The following DLGAP2 variants were observed in gnomAD, a reference collection of about 807,000 sequenced individuals.
The protein encoded by DLGAP2 is DLG associated protein 2.
A neutral mutation model predicts 100.3 loss-of-function variants in DLGAP2; 26 were observed. The ratio of observed to expected loss-of-function variants is 0.26; its 90% confidence interval spans 0.19 to 0.36. DLGAP2 has a LOEUF of 0.36. DLGAP2 is among the 10% of genes least tolerant of loss of function. The pLI is 1.00. For synonymous variants in DLGAP2, 886 were observed against 630.1 expected (o/e 1.41, Z -6.08); for missense variants, 1,858 against 1,453.2 (o/e 1.28, Z -4.53).
At chr8:803,347 G>C (rs556809879) in intron 1 of DLGAP2, among the ~76,000 whole-genome samples, 509 of 152,172 alleles carry the variant, frequency 3.3e-3, no homozygotes, top group Non-Finnish European at 5.1e-3. Context: ...TTTGCTTGTG[G>C]TTTATTCCTT....
chr8:1,056,015 C>G (rs1268728249), intron 2 of DLGAP2, among the ~76,000 whole-genome samples: 1 of 152,190 alleles, frequency 6.6e-6, no homozygotes, highest in Non-Finnish European at 1.5e-5. Flanking sequence ...CTTATGGAGG[C>G]AGCTCAGGGA....
intron 2 of DLGAP2, among the ~76,000 whole-genome samples, chr8:1,258,131 C>T (rs1412266454): frequency 2.0e-5 from 3 of 152,160 alleles, no homozygotes; most frequent in Non-Finnish European, 4.4e-5. Flanking sequence ...ACTCAATACC[C>T]ATGGATTTTA....
chr8:1,563,787 C>G (rs1802278425), intron 5 of DLGAP2, among the ~76,000 whole-genome samples: 1 of 152,088 alleles, frequency 6.6e-6, no homozygotes, highest in Admixed American at 6.5e-5. Context: ...GGCCTTCAGC[C>G]AGAAGACCTG....
At chr8:1,433,487 G>T (rs1797518906) in intron 3 of DLGAP2, among the ~76,000 whole-genome samples, 1 of 152,238 alleles carries the variant, frequency 6.6e-6, no homozygotes. Flanking sequence ...TGAGGCTGCT[G>T]TGGTGTGCAA....
At chr8:1,319,244 T>C (rs1311915333) in intron 3 of DLGAP2, among the ~76,000 whole-genome samples, 1 of 152,188 alleles carries the variant, frequency 6.6e-6, no homozygotes, top group African/African-American at 2.4e-5. Flanking sequence ...AGTTCTCAGC[T>C]AAGCTCTCTG....
intron 2 of DLGAP2, among the ~76,000 whole-genome samples, chr8:989,387 C>A (rs1800587751): frequency 6.6e-6 from 1 of 152,200 alleles, no homozygotes; most frequent in African/African-American, 2.4e-5. Flanking sequence ...TAGTAGACGT[C>A]CAAACCTTGC....
At chr8:1,552,308 G>A (rs1357032327) in intron 5 of DLGAP2, among the ~76,000 whole-genome samples, 1 of 152,240 alleles carries the variant, frequency 6.6e-6, no homozygotes, top group Non-Finnish European at 1.5e-5. Context: ...TTTTCTTGCA[G>A]TAGCAAGCTT....
At chr8:968,955 C>T (rs1345098872) in intron 2 of DLGAP2, among the ~76,000 whole-genome samples, 1 of 152,164 alleles carries the variant, frequency 6.6e-6, no homozygotes, top group Non-Finnish European at 1.5e-5. Context: ...AGTCACAGTT[C>T]CCGCGAACCA....
In DLGAP2 at chr8:898,907, G is replaced by C. The variant is rs574246053; in HGVS notation, c.19-9005G>C. 2.0e-5 allele frequency among the ~76,000 whole-genome samples: 3 copies of C among 152,314 alleles called. No individual in the cohort carries two copies. The South Asian group carries it at 6.2e-4, about 32-fold the overall frequency. On this transcript the variant is annotated intron_variant, in intron 1 of 14. Coordinates refer to ENST00000637795, the MANE Select transcript of DLGAP2 (RefSeq NM_001346810.2). ...CCCTGCGCATCAGAGAATGTTTCTT[G>C]CACCAGCAGCGCCGACAGTTCCTGG...
rs115796936 is a variant in DLGAP2 at position 982,048 on chromosome 8, G to A, written c.73+74082G>A. Among the ~76,000 whole-genome samples, 988 of 152,314 alleles carry A rather than the reference G, an allele frequency of 6.5e-3. 10 individuals are homozygous for A. The highest frequency in any genetic ancestry group is 0.021 in the African/African-American group (889 of 41,570). On this transcript the variant is annotated intron_variant, in intron 2 of 14. Coordinates refer to ENST00000637795, the MANE Select transcript of DLGAP2 (RefSeq NM_001346810.2). Reference sequence around the variant, plus strand: ...CCACCTTTAAACTTGCTTTGCTCCTGGCTAACCATGTCTCCTCTGCACAGC... The same window carrying A: ...CCACCTTTAAACTTGCTTTGCTCCTAGCTAACCATGTCTCCTCTGCACAGC...
chr8:757,642 G>A (rs934597799), intron 1 of DLGAP2, among the ~76,000 whole-genome samples: 1 of 152,244 alleles, frequency 6.6e-6, no homozygotes, highest in Non-Finnish European at 1.5e-5. Flanking sequence ...CCACAGGCGG[G>A]CTGAGGGTTG....
intron 1 of DLGAP2, among the ~76,000 whole-genome samples, chr8:852,234 G>A (rs781681107): frequency 1.2e-4 from 18 of 152,150 alleles, no homozygotes; most frequent in Admixed American, 6.5e-5. Context: ...CTGTCTTGGT[G>A]GATGACACAG....
intron 1 of DLGAP2, among the ~76,000 whole-genome samples, chr8:778,251 A>AT (rs1425626503): frequency 6.6e-6 from 1 of 151,680 alleles, no homozygotes; most frequent in Non-Finnish European, 1.5e-5. Flanking sequence ...ATTCTTCTAA[A>AT]TTTTTTTCAA....
At chr8:1,605,614 CT>C (rs1201814546) in intron 6 of DLGAP2, among the ~76,000 whole-genome samples, 3 of 152,162 alleles carry the variant, frequency 2.0e-5, no homozygotes, top group Non-Finnish European at 1.5e-5. Flanking sequence ...TACCCTGCCC[CT>C]TTCCATGGTT....
intron 8 of DLGAP2, among the ~76,000 whole-genome samples, chr8:1,663,840 C>A (rs980747086): frequency 6.6e-6 from 1 of 152,106 alleles, no homozygotes; most frequent in African/African-American, 2.4e-5. Context: ...GAGAGAACGG[C>A]AGAATGGTCA....
At chr8:739,377 A>C (rs111933671) in intron 1 of DLGAP2, 1 of 152,232 alleles carries the variant, frequency 6.6e-6, no homozygotes, top group African/African-American at 2.4e-5. Context: ...TTGTCCTTGC[A>C]GTTGGGAAAT....
At chr8:1,553,603 G>A (rs539171328) in intron 5 of DLGAP2, among the ~76,000 whole-genome samples, 65 of 152,282 alleles carry the variant, frequency 4.3e-4, no homozygotes, top group Non-Finnish European at 7.2e-4. Flanking sequence ...CGATGAAAAC[G>A]GGGAGCCCTG....
intron 2 of DLGAP2, among the ~76,000 whole-genome samples, chr8:1,255,006 CTTGGGCGCTGTGTGTGTGTCTTCT>C (rs1799151266): frequency 1.0e-5 from 1 of 98,232 alleles, no homozygotes; most frequent in Non-Finnish European, 1.9e-5. Flanking sequence ...TCTCATCCTG[CTTGGGCGCTGTGTGTGTGTCTTCT>C]CCTGCCCAGC....
chr8:1,225,856 A>C (rs1783652061), intron 2 of DLGAP2, among the ~76,000 whole-genome samples: 1 of 152,226 alleles, frequency 6.6e-6, no homozygotes, highest in African/African-American at 2.4e-5. Flanking sequence ...AGTTCACACC[A>C]CAAAAAAGTT....
Sources: allele counts gnomAD v4.1 joint callset (sites outside exome capture counted in the v4.1 genomes callset), GRCh38; gene constraint gnomAD v4.1.1; transcripts MANE v1.5; gene names NCBI Gene and HGNC (gene_info 2026-07-23, HGNC 2026-07-21).